The following NEB variants were observed in gnomAD, a reference collection of about 807,000 sequenced individuals.
The protein encoded by NEB is nebulin.
NEB carries 512 observed loss-of-function variants against 952.2 expected under a neutral mutation model. That is an observed-to-expected ratio of 0.54 (90% CI 0.50 to 0.58). The LOEUF (loss-of-function observed/expected upper bound fraction) is 0.58. Among genes scored for constraint, NEB ranks in the 20% least tolerant of loss-of-function variants. NEB has a pLI of 0.00. For synonymous variants in NEB, 2,900 were observed against 3,149.8 expected (o/e 0.92, Z 2.66); for missense variants, 8,428 against 9,231.1 (o/e 0.91, Z 3.56).
intron 175 of NEB, 70 bp downstream of exon 175, chr2:151,493,705 A>G (rs2058278063): frequency 8.3e-7 from 1 of 1,200,514 alleles, no homozygotes; most frequent in Non-Finnish European, 1.2e-6. Context: ...CTGTAAGATA[A>G]ATTAGTGGTA....
intron 37 of NEB, among the ~76,000 whole-genome samples, chr2:151,672,085 C>A (rs756774051): frequency 6.6e-6 from 1 of 152,058 alleles, no homozygotes; most frequent in South Asian, 2.1e-4. Flanking sequence ...ATCAGGAATA[C>A]CCATCTCCTC....
chr2:151,485,713 C>T lies in NEB; in HGVS notation c.*47G>A, dbSNP rs1336763888. 1 of 1,550,692 alleles carries T rather than the reference C, an allele frequency of 6.4e-7. No homozygotes were observed. The highest frequency in any genetic ancestry group is 1.4e-5 in the African/African-American group (1 of 73,680). ...TGGAGAGTCTAAACCGAAACATTGA[C>T]TGCAGGATCTGTAAGTCCTGCAGAC... On this transcript the variant is annotated 3_prime_UTR_variant, in exon 182 of 182. Transcript: ENST00000397345.
rs1483778945 is a variant in NEB at position 151,633,923 on chromosome 2, T to C, written c.9145A>G (p.Ile3049Val). The change falls in exon 65 of 182, where the codon ATT becomes GTT. Residue 3049 changes from isoleucine (I) to valine (V), a missense_variant. Physicochemically the swap from Ile to Val is conservative, Grantham distance 29. Around this residue, in one of 11 missense-constraint regions of NEB, gnomAD observed 1,772 missense variants for 1,960.3 expected, o/e 0.90. Transcript: ENST00000397345. ...TCATCTTCAATGTTCCGGGCTCCAA[T>C]ATGGTGGCCAAGTTGCTTGCAGTAA... ...DGYCKQLGHH[I>V]GARNIEDDPK... The C allele has an allele frequency of 6.2e-7, 1 of 1,613,770 alleles. No homozygotes were observed. Among genetic ancestry groups the C allele is most frequent in the Admixed American group, 1.7e-5 (1 of 59,998 alleles).
chr2:151,709,753 T>A lies in NEB; in HGVS notation c.938A>T (p.Gln313Leu). 1.3e-6 allele frequency: 2 copies of A among 1,595,898 alleles called. No individual in the cohort carries two copies. The highest frequency in any genetic ancestry group is 1.7e-6 in the Non-Finnish European group (2 of 1,169,470). Residue 313 changes from glutamine (Q) to leucine (L), a missense_variant, in exon 12 of 182, where the codon CAG becomes CTG. Physicochemically the swap from Gln to Leu is moderately radical, Grantham distance 113 (BLOSUM62 -2). Coordinates refer to ENST00000397345, the MANE Select transcript of NEB (RefSeq NM_001164508.2). ...GTCTTTCATGTTTTCAAAATCTTCC[T>A]GGTATTTCCTCTGTAAGACATCAGA... is the stretch of plus-strand genomic sequence containing the variant. ...NADNISTRKY[Q>L]EDFENMKDQI...
chr2:151,609,783 C>T, intron 81 of NEB, 26 bp downstream of exon 81: 1 of 1,546,448 alleles, frequency 6.5e-7, no homozygotes, highest in South Asian at 1.3e-5. Context: ...TCCCCTTCCC[C>T]CTTTCCCAAA....
intron 18 of NEB, 106 bp from the exon 19 acceptor site, chr2:151,694,735 G>T: frequency 7.2e-6 from 6 of 829,834 alleles, no homozygotes; most frequent in South Asian, 1.8e-5. Context: ...AAAATAAATG[G>T]GCCCTTTTTA....
At chr2:151,509,744 C>T (rs2072553027) in intron 161 of NEB, among the ~76,000 whole-genome samples, 2 of 152,186 alleles carry the variant, frequency 1.3e-5, no homozygotes, top group South Asian at 4.1e-4. Context: ...TCTCCTGCCT[C>T]AGGCTTCCGA....
chr2:151,717,343 T>A, intron 10 of NEB, 73 bp downstream of exon 10: 1 of 1,043,384 alleles, frequency 9.6e-7, no homozygotes, highest in East Asian at 2.4e-5. Context: ...TCACCTTTAG[T>A]AACCCTCTCT....
At chr2:151,685,188 C>T (rs1297319510) in intron 27 of NEB, among the ~76,000 whole-genome samples, 1 of 152,160 alleles carries the variant, frequency 6.6e-6, no homozygotes, top group Non-Finnish European at 1.5e-5. Flanking sequence ...GAGAAACTGT[C>T]TGGGTCACAG....
intron 150 of NEB, among the ~76,000 whole-genome samples, chr2:151,525,533 T>A (rs1253144323): frequency 6.6e-6 from 1 of 152,208 alleles, no homozygotes; most frequent in African/African-American, 2.4e-5. Flanking sequence ...TTTAAAAATA[T>A]ATGGAACCAT....
Position 151,687,612 on chromosome 2 carries a change from C to G in NEB, c.2523+14G>C. Reference sequence around the variant, plus strand: ...CACCCTGTCCAGGTCCCCAGGTCCCCAGGCCACACTCACATCGCTGGTGTT... The same window carrying G: ...CACCCTGTCCAGGTCCCCAGGTCCCGAGGCCACACTCACATCGCTGGTGTT... On this transcript the variant is annotated intron_variant, in intron 26 of 181. Transcript: ENST00000397345. The G allele has an allele frequency of 6.2e-7, 1 of 1,613,534 alleles. No homozygotes were observed. The highest frequency in any genetic ancestry group is 8.5e-7 in the Non-Finnish European group (1 of 1,179,616).
At chr2:151,674,419 C>A in intron 36 of NEB, 58 bp downstream of exon 36, 2 of 1,250,898 alleles carry the variant, frequency 1.6e-6, no homozygotes, top group Non-Finnish European at 2.3e-6. Context: ...TTTAAACAAG[C>A]ATTTGATTAC....
rs773405147 is a variant in NEB at position 151,524,408 on chromosome 2, T to C, written c.22382A>G (p.Tyr7461Cys). Reference protein sequence around the residue: ...QAAKQASEVEYRAKHRKEGSH... With the variant: ...QAAKQASEVECRAKHRKEGSH... Reference sequence around the variant, plus strand: ...GCCTTCCTTGCGGTGCTTGGCTCTGTACTCCACCTGAATCAGAGAAAACCA... The same window carrying C: ...GCCTTCCTTGCGGTGCTTGGCTCTGCACTCCACCTGAATCAGAGAAAACCA... The change falls in exon 153 of 182, where the codon TAC becomes TGC. Residue 7461 changes from tyrosine (Y) to cysteine (C), a missense_variant. This residue lies in a region of NEB where 3,374 missense variants were observed against 3,651.5 expected (regional missense o/e 0.92). Coordinates refer to ENST00000397345, the MANE Select transcript of NEB (RefSeq NM_001164508.2). 6.2e-7 allele frequency: 1 copy of C among 1,614,006 alleles called. No homozygotes were observed. Among genetic ancestry groups the C allele is most frequent in the Non-Finnish European group, 8.5e-7 (1 of 1,179,864 alleles).
rs1430285423 is a variant in NEB, at chr2:151,692,162, C to G, written c.2003G>C (p.Arg668Thr). 7 of 1,611,884 alleles carry G rather than the reference C, an allele frequency of 4.3e-6. No homozygotes were observed. Among genetic ancestry groups the G allele is most frequent in the Non-Finnish European group, 5.9e-6 (7 of 1,178,000 alleles). ...ATCCTTTACATATAAGTCTTTATAT[C>G]TAGCCTGAAAAATAAAACAAATGTA... ...DTQLKNFSEA[R>T]YKDLYVKDVL... The change falls in exon 22 of 182, where the codon AGA becomes ACA. Residue 668 changes from arginine (R) to threonine (T), a missense_variant. Physicochemically the swap from Arg to Thr is moderately conservative, Grantham distance 71. This residue lies in a region of NEB where 2,851 missense variants were observed against 2,791.5 expected (regional missense o/e 1.02). Coordinates refer to ENST00000397345, the MANE Select transcript of NEB (RefSeq NM_001164508.2).
In NEB at chr2:151,704,826, C is replaced by G. The variant is rs574230816; in HGVS notation, c.1152+2055G>C. On this transcript the variant is annotated intron_variant, in intron 13 of 181. Transcript: ENST00000397345. ...TGCAGAAATCACCCGTCTTCTGCGT[C>G]GCTCGCTCACGCTGGGAGCTGTAGA... 7.9e-5 allele frequency among the ~76,000 whole-genome samples: 12 copies of G among 152,294 alleles called. No homozygotes were observed. The East Asian group carries it at 1.5e-3, about 20-fold the overall frequency.
chr2:151,721,021 C>T (rs541853407), intron 9 of NEB, among the ~76,000 whole-genome samples: 3 of 152,274 alleles, frequency 2.0e-5, no homozygotes, highest in South Asian at 2.1e-4. Flanking sequence ...TGTGCCCCTA[C>T]TCACCCAGAC....
At chr2:151,659,886 G>A (rs1328347430) in intron 46 of NEB, among the ~76,000 whole-genome samples, 1 of 152,044 alleles carries the variant, frequency 6.6e-6, no homozygotes, top group Non-Finnish European at 1.5e-5. Context: ...TTCATTAGGA[G>A]GTATAATCTA....
chr2:151,493,937 G>T (rs961586976), intron 174 of NEB, 70 bp from the exon 175 acceptor site: 9 of 1,133,366 alleles, frequency 7.9e-6, no homozygotes, highest in Non-Finnish European at 1.0e-5. Context: ...ATTGCAAGTT[G>T]GGGGGAAATG....
chr2:151,733,435 G>A (rs1238361351), intron 2 of NEB, among the ~76,000 whole-genome samples: 3 of 152,120 alleles, frequency 2.0e-5, no homozygotes, highest in Non-Finnish European at 4.4e-5. Context: ...ATTGTAAAAC[G>A]AAATTGAGGT....
Sources: allele counts gnomAD v4.1 joint callset (sites outside exome capture counted in the v4.1 genomes callset), GRCh38; gene constraint gnomAD v4.1.1; regional missense constraint gnomAD v4.1.1; transcripts MANE v1.5; gene names NCBI Gene and HGNC (gene_info 2026-07-23, HGNC 2026-07-21).